Variants in DNM2 observed in about 807,000 individuals in gnomAD.
DNM2 encodes dynamin 2, also known as dynamin-2.
DNM2 carries 15 observed loss-of-function variants against 99.0 expected under a neutral mutation model. The observed-to-expected ratio is 0.15, with a 90% CI of 0.10 to 0.23. The LOEUF (loss-of-function observed/expected upper bound fraction) is 0.23, where lower values mean the gene tolerates loss of function less well. Among genes scored for constraint, DNM2 ranks in the 10% least tolerant of loss-of-function variants. The probability of loss-of-function intolerance (pLI) is 1.00; values close to 1 mark genes in which losing one functional copy is unlikely to be tolerated. For synonymous variants in DNM2, 525 were observed against 481.2 expected, an observed-to-expected ratio of 1.09 and a Z score of -1.19; for missense variants, 742 against 1,189.4, an observed-to-expected ratio of 0.62 and a Z score of 5.53.
At chr19:10,781,280 A>T (rs377650071) in intron 5 of DNM2, 1 of 152,092 alleles carries the variant, frequency 6.6e-6, no homozygotes, top group African/African-American at 2.4e-5. Context: ...GGTGATGGTG[A>T]CTCTGGCTTC....
intron 12 of DNM2, chr19:10,802,616 T>C: frequency 1.9e-6 from 1 of 537,304 alleles, no homozygotes. Context: ...TGTTCAGATC[T>C]GCAGGGAGAG....
At chr19:10,751,393 C>T (rs373588523) in intron 1 of DNM2, among the ~76,000 whole-genome samples, 45 of 152,164 alleles carry the variant, frequency 3.0e-4, no homozygotes, top group African/African-American at 1.1e-3. Flanking sequence ...TCTCAGAATG[C>T]GGATGGGATC....
At chr19:10,743,067 C>T (rs2069818136) in intron 1 of DNM2, among the ~76,000 whole-genome samples, 1 of 151,974 alleles carries the variant, frequency 6.6e-6, no homozygotes, top group Admixed American at 6.6e-5. Context: ...GCGTGTGCCA[C>T]CACGCCCGGC....
At chr19:10,760,565 T>C (rs114715398) in intron 2 of DNM2, among the ~76,000 whole-genome samples, 213 of 152,282 alleles carry the variant, frequency 1.4e-3, no homozygotes, top group African/African-American at 4.7e-3. Context: ...GTCCCCCAGA[T>C]ATCTGGCTGG....
rs1173396952 is a variant in DNM2 at position 10,764,961 on chromosome 19, C to CTT, written c.235+5165_235+5166dup. The stretch of plus-strand genomic sequence containing the variant: ...TATCCTGTTCTTGTTTTTTCTTTTT[C>CTT]TTTTTTTTTTTTTTTTGAGATGGAG... On this transcript the variant is annotated intron_variant, in intron 2 of 20. Transcript: ENST00000389253. The surrounding 1 kb of genome is among the most constrained non-coding windows in gnomAD (Gnocchi z 4.1). Among the ~76,000 whole-genome samples, 6 of 141,894 alleles carry CTT rather than the reference C, an allele frequency of 4.2e-5. No homozygotes were observed. Among genetic ancestry groups the CTT allele is most frequent in the African/African-American group, 7.7e-5 (3 of 38,928 alleles). 93.1% of individuals were successfully genotyped at this position (141,894 alleles called of 152,430 possible).
intron 8 of DNM2, 64 bp downstream of exon 8, chr19:10,793,919 CA>C: frequency 6.2e-7 from 1 of 1,612,972 alleles, no homozygotes; most frequent in Non-Finnish European, 8.5e-7. Context: ...GGCCTCAAGC[CA>C]GGCCTCCTCC....
chr19:10,807,476 G>C (rs967783278), intron 13 of DNM2, among the ~76,000 whole-genome samples: 1 of 149,438 alleles, frequency 6.7e-6, no homozygotes, highest in African/African-American at 2.5e-5. Context: ...TCCTGACCTG[G>C]TGATCCACCC....
intron 1 of DNM2, among the ~76,000 whole-genome samples, chr19:10,738,121 G>A (rs971493643): frequency 3.9e-5 from 6 of 152,068 alleles, no homozygotes; most frequent in African/African-American, 1.4e-4. Context: ...GGCCGGACGT[G>A]GTGGCTCATG....
At chr19:10,738,264 T>A (rs548857862) in intron 1 of DNM2, among the ~76,000 whole-genome samples, 18 of 151,514 alleles carry the variant, frequency 1.2e-4, no homozygotes, top group Non-Finnish European at 2.2e-4. Flanking sequence ...TCTCAAAAAA[T>A]AAATAAATAA....
At position 10,817,857 on chromosome 19, in the gene DNM2, G is replaced by A. The variant is rs541477446; in HGVS notation, c.1672-2123G>A. Among the ~76,000 whole-genome samples, 1 of 151,888 alleles carries A rather than the reference G, an allele frequency of 6.6e-6. No individual in the cohort carries two copies. Among genetic ancestry groups the A allele is most frequent in the South Asian group, 2.1e-4 (1 of 4,816 alleles). ...CGTGCGTGCCGGCAGCACCAGGAAG[G>A]CGGCCACTGATTTCTCGGCGGAATC... On this transcript the variant is annotated intron_variant, in intron 15 of 20. Coordinates refer to ENST00000389253, the MANE Select transcript of DNM2 (RefSeq NM_001005361.3). This position sits in a 1 kb window ranked among gnomAD's most constrained non-coding sequence, Gnocchi z 4.6.
intron 7 of DNM2, among the ~76,000 whole-genome samples, chr19:10,791,805 G>C (rs1179841135): frequency 1.3e-5 from 2 of 152,150 alleles, no homozygotes; most frequent in Non-Finnish European, 2.9e-5. Context: ...TCCATTCCAG[G>C]CTGGGTGCAG....
At chr19:10,718,440 G>T in intron 1 of DNM2, 37 bp downstream of exon 1, 2 of 1,387,246 alleles carry the variant, frequency 1.4e-6, no homozygotes. Flanking sequence ...GCGGGTGGCG[G>T]CCTAGGGCGC....
intron 1 of DNM2, among the ~76,000 whole-genome samples, chr19:10,755,758 G>A (rs1050861277): frequency 2.2e-4 from 34 of 151,860 alleles, no homozygotes; most frequent in Admixed American, 1.3e-4. Flanking sequence ...CCGCCTCCCG[G>A]GTTCAAGCCA....
In DNM2 at chr19:10,718,377, C is replaced by T; in HGVS notation, c.135C>T (p.Ser45=). 6.6e-7 allele frequency: 1 copy of T among 1,520,880 alleles called. No homozygotes were observed. The highest frequency in any genetic ancestry group is 8.8e-7 in the Non-Finnish European group (1 of 1,135,990). The allele number at this position is 1,520,880 out of a possible 1,614,324, so 94.2% of individuals were successfully genotyped here. Residue 45 remains serine, a synonymous_variant, in exon 1 of 21, where the codon AGC becomes AGT. Coordinates refer to ENST00000389253, the MANE Select transcript of DNM2 (RefSeq NM_001005361.3). ...TGGGCGGCCAGAGCGCCGGCAAGAGCTCGGTGCTGGAGAACTTCGTGGGCC... is the reference window on the plus strand; with the variant it reads ...TGGGCGGCCAGAGCGCCGGCAAGAGTTCGGTGCTGGAGAACTTCGTGGGCC... ...AVVGGQSAGK[S]SVLENFVGRD... is the part of the protein sequence containing the mutation.
At position 10,811,780 on chromosome 19, in the gene DNM2, G is replaced by A. The variant is rs902779491; in HGVS notation, c.1558-484G>A. 7.7e-6 allele frequency: 4 copies of A among 518,434 alleles called. No individual in the cohort carries two copies. The highest frequency in any genetic ancestry group is 2.8e-5 in the South Asian group (2 of 71,468). 32.1% of individuals were successfully genotyped at this position (518,434 alleles called of 1,614,324 possible). ...TGAAACCCTGATGTGTCAGTCAAAA[G>A]GATGACCACCAGGCTTGCAGCCAGC... On this transcript the variant is annotated intron_variant, in intron 14 of 20. Transcript: ENST00000389253. This position sits in a 1 kb window ranked among gnomAD's most constrained non-coding sequence, Gnocchi z 5.4.
Position 10,796,268 on chromosome 19 carries a change from T to C in DNM2, c.1196+829T>C, listed in dbSNP as rs1234270056. The C allele has an allele frequency of 1.2e-6, 2 of 1,607,626 alleles. No individual in the cohort carries two copies. The highest frequency in any genetic ancestry group is 8.5e-7 in the Non-Finnish European group (1 of 1,176,306). Reference sequence around the variant, plus strand: ...GGGGTACGGGGGTTTGGTATCAGGCTCCCAGCGCCTCATTGGCCCCCACTG... The same window carrying C: ...GGGGTACGGGGGTTTGGTATCAGGCCCCCAGCGCCTCATTGGCCCCCACTG... On this transcript the variant is annotated intron_variant, in intron 9 of 20. Transcript: ENST00000389253. The surrounding 1 kb of genome is among the most constrained non-coding windows in gnomAD (Gnocchi z 5.6).
rs76063836 is a variant in DNM2 at position 10,726,926 on chromosome 19, C to T, written c.161+8523C>T. 7.2e-3 allele frequency among the ~76,000 whole-genome samples: 1,092 copies of T among 152,270 alleles called. 12 individuals carry two copies. The highest frequency in any genetic ancestry group is 0.025 in the African/African-American group (1,022 of 41,554). ...TGGCCAGATAAGCGTGTCCAGACAA[C>T]CGACTATCAACTCGCTACTCAGAGG... On this transcript the variant is annotated intron_variant, in intron 1 of 20. Transcript: ENST00000389253.
chr19:10,788,988 C>T (rs928718920), intron 7 of DNM2, among the ~76,000 whole-genome samples: 2 of 152,224 alleles, frequency 1.3e-5, no homozygotes, highest in South Asian at 2.1e-4. Flanking sequence ...GCCTTGACTA[C>T]GTTACAAAAC....
At position 10,772,979 on chromosome 19, in the gene DNM2, GTTT is replaced by G. The variant is rs370019989; in HGVS notation, c.385+367_385+369del. 1.0e-4 allele frequency among the ~76,000 whole-genome samples: 13 copies of G among 123,930 alleles called. No homozygotes were observed. Among genetic ancestry groups the G allele is most frequent in the African/African-American group, 3.7e-4 (12 of 32,500 alleles). The allele number at this position is 123,930 out of a possible 152,430, so 81.3% of individuals were successfully genotyped here. On this transcript the variant is annotated intron_variant, in intron 3 of 20. Coordinates refer to ENST00000389253, the MANE Select transcript of DNM2 (RefSeq NM_001005361.3). The surrounding 1 kb of genome is among the most constrained non-coding windows in gnomAD (Gnocchi z 4.9). ...ACCAGTCTTCTGTAAAATATCCTGG[GTTT>G]TTTTTTTTTTTTTTTGAGACAGAGT...
Sources: gnomAD v4.1 joint callset for allele counts (sites outside exome capture counted in the v4.1 genomes callset) on GRCh38, gnomAD v4.1.1 for gene constraint, Gnocchi (gnomAD v3.1) non-coding constraint, MANE v1.5 for transcripts, NCBI Gene and HGNC (gene_info 2026-07-23, HGNC 2026-07-21) for gene names.